The following PRDM11 variants were observed in gnomAD, a reference collection of about 807,000 sequenced individuals.
PRDM11 encodes PR domain-containing protein 11.
Under a neutral mutation model 97.8 loss-of-function variants are expected in PRDM11, and 20 were observed. The observed-to-expected ratio is 0.20, with a 90% CI of 0.14 to 0.30. The LOEUF is 0.30. PRDM11 is among the 10% of genes least tolerant of loss of function. The pLI is 1.00. For missense variants in PRDM11, 1,139 were observed against 1,555.2 expected (o/e 0.73, Z 4.50); for synonymous variants, 599 against 637.7 (o/e 0.94, Z 0.91).
intron 1 of PRDM11, among the ~76,000 whole-genome samples, chr11:45,153,745 A>G (rs565839818): frequency 2.5e-4 from 38 of 152,316 alleles, no homozygotes; most frequent in African/African-American, 8.7e-4. Flanking sequence ...GTCCTGCCCT[A>G]CATTCTGTGG....
At chr11:45,132,075 T>C (rs1852733808) in intron 1 of PRDM11, among the ~76,000 whole-genome samples, 1 of 152,204 alleles carries the variant, frequency 6.6e-6, no homozygotes, top group Non-Finnish European at 1.5e-5. Context: ...GTCATTCTTG[T>C]GCATCTCACT....
At chr11:45,210,621 G>C (rs1193822848) in intron 5 of PRDM11, among the ~76,000 whole-genome samples, 1 of 152,182 alleles carries the variant, frequency 6.6e-6, no homozygotes, top group South Asian at 2.1e-4. Flanking sequence ...TTCCCTTCCC[G>C]GGCCCCCTGC....
In PRDM11 at chr11:45,224,273, C is replaced by G. The variant is rs964496977; in HGVS notation, c.799C>G (p.Leu267Val). The G allele has an allele frequency of 6.8e-6, 11 of 1,613,430 alleles. No individual in the cohort carries two copies. The highest frequency in any genetic ancestry group is 1.3e-5 in the African/African-American group (1 of 74,874). The change falls in exon 7 of 8, where the codon CTG becomes GTG. Residue 267 changes from leucine (L) to valine (V), a missense_variant. By Grantham distance (32) the Leu-to-Val change is conservative. This residue lies in a region of PRDM11 where 429 missense variants were observed against 510.3 expected (regional missense o/e 0.84). Transcript: ENST00000683152. ...GCAGGTTCTGGATAACCCAGAAGAC[C>G]TGAGGGGTCCCATTCATCTCTCTGT... ...SEQVLDNPEDLRGPIHLSVLR... is the reference protein window; with the variant it reads ...SEQVLDNPEDVRGPIHLSVLR...
At chr11:45,221,690 G>A (rs999070187) in intron 6 of PRDM11, among the ~76,000 whole-genome samples, 5 of 152,270 alleles carry the variant, frequency 3.3e-5, no homozygotes, top group African/African-American at 2.4e-5. Context: ...GAGATACACC[G>A]AGACATATGA....
At chr11:45,213,844 C>T (rs1353436483) in intron 5 of PRDM11, 1 of 414,628 alleles carries the variant, frequency 2.4e-6, no homozygotes, top group African/African-American at 2.0e-5. Flanking sequence ...TTCCCAGCTC[C>T]CCTGTCAGAG....
chr11:45,194,772 G>A (rs1853054163), intron 4 of PRDM11, among the ~76,000 whole-genome samples: 1 of 150,350 alleles, frequency 6.7e-6, no homozygotes, highest in African/African-American at 2.4e-5. Flanking sequence ...CTAATTTTTT[G>A]TATTTTTAGT....
At chr11:45,195,791 G>A (rs1036778420) in intron 4 of PRDM11, among the ~76,000 whole-genome samples, 4 of 151,728 alleles carry the variant, frequency 2.6e-5, no homozygotes, top group African/African-American at 7.3e-5. Flanking sequence ...GGCCAGGCTC[G>A]TCTTGAACTC....
chr11:45,152,839 C>T (rs909174837), intron 1 of PRDM11, among the ~76,000 whole-genome samples: 10 of 152,194 alleles, frequency 6.6e-5, no homozygotes, highest in African/African-American at 1.7e-4. Context: ...GGATACTTGG[C>T]CTTGACTAGG....
intron 4 of PRDM11, among the ~76,000 whole-genome samples, chr11:45,186,644 G>C (rs1852716072): frequency 6.6e-6 from 1 of 152,174 alleles, no homozygotes. Context: ...GATTGCCATG[G>C]ATTAAGGTGT....
At chr11:45,181,355 C>T (rs533913903) in intron 1 of PRDM11, among the ~76,000 whole-genome samples, 1 of 152,306 alleles carries the variant, frequency 6.6e-6, no homozygotes, top group East Asian at 1.9e-4. Flanking sequence ...TTCGGTCTGC[C>T]CACTACCCCT....
At position 45,193,393 on chromosome 11, in the gene PRDM11, A is replaced by G. The variant is rs567102262; in HGVS notation, c.486+10270A>G. Among the ~76,000 whole-genome samples, 37 of 152,334 alleles carry G rather than the reference A, an allele frequency of 2.4e-4. No homozygotes were observed. In the South Asian group the frequency reaches 5.0e-3, roughly 20 times the overall value. On this transcript the variant is annotated intron_variant, in intron 4 of 7. Coordinates refer to ENST00000683152, the MANE Select transcript of PRDM11 (RefSeq NM_001384648.1). ...TATGGTCAACTGTTGGGGTAAAACA[A>G]GCTACCTAAAAACCCAGTGGCATAG... is the stretch of plus-strand genomic sequence containing the variant.
chr11:45,131,857 G>A (rs76041305), intron 1 of PRDM11, among the ~76,000 whole-genome samples: 3,114 of 152,188 alleles, frequency 0.02, 101 homozygotes, highest in African/African-American at 0.07. Flanking sequence ...GCAATTTCAG[G>A]GTTGGCTAAT....
At chr11:45,165,879 C>T (rs1852051892) in intron 1 of PRDM11, among the ~76,000 whole-genome samples, 1 of 152,164 alleles carries the variant, frequency 6.6e-6, no homozygotes, top group Admixed American at 6.5e-5. Context: ...GTGGAAGACC[C>T]CCTCCCATTG....
chr11:45,177,190 G>C (rs1852346823), intron 1 of PRDM11, among the ~76,000 whole-genome samples: 1 of 152,220 alleles, frequency 6.6e-6, no homozygotes, highest in Non-Finnish European at 1.5e-5. Context: ...CCTGCCAAGG[G>C]TGAAAACAGA....
chr11:45,100,142 G>A (rs888384465), intron 1 of PRDM11, among the ~76,000 whole-genome samples: 4 of 152,062 alleles, frequency 2.6e-5, no homozygotes, highest in African/African-American at 4.8e-5. Context: ...TAATAAAGTC[G>A]GGAACTCTAT....
Position 45,165,797 on chromosome 11 carries a change from G to A in PRDM11, c.-6-15964G>A, listed in dbSNP as rs143858143. On this transcript the variant is annotated intron_variant, in intron 1 of 7. Coordinates refer to ENST00000683152, the MANE Select transcript of PRDM11 (RefSeq NM_001384648.1). ...TTGCAGCCTGTGCTTCCTTTCTGCCGTTGCCTCTCTGCAGGCCTGTCTAGG... is the reference window on the plus strand; with the variant it reads ...TTGCAGCCTGTGCTTCCTTTCTGCCATTGCCTCTCTGCAGGCCTGTCTAGG... 3.2e-4 allele frequency among the ~76,000 whole-genome samples: 48 copies of A among 152,328 alleles called. No individual in the cohort carries two copies. The East Asian group carries it at 5.0e-3, about 16-fold the overall frequency.
intron 1 of PRDM11, among the ~76,000 whole-genome samples, chr11:45,153,049 G>A (rs189536372): frequency 3.9e-5 from 6 of 152,376 alleles, no homozygotes; most frequent in African/African-American, 4.8e-5. Flanking sequence ...AGGAGAGGAT[G>A]AAGGTGAGAG....
chr11:45,226,040 A>G lies in PRDM11; in HGVS notation c.1415A>G (p.Asp472Gly). Residue 472 changes from aspartate (D) to glycine (G), a missense_variant, in exon 8 of 8, where the codon GAC (aspartate) becomes GGC (glycine). By Grantham distance (94) the Asp-to-Gly change is moderately conservative (BLOSUM62 -1). Transcript: ENST00000683152. ...VSGPAIMEDD[D>G]QEVDSADESV... is the part of the protein sequence containing the mutation. ...GGCCCCGCCATCATGGAGGATGATG[A>G]CCAGGAAGTCGATTCAGCAGATGAA... The G allele has an allele frequency of 6.6e-7, 1 of 1,513,018 alleles. No individual in the cohort carries two copies. Among genetic ancestry groups the G allele is most frequent in the Non-Finnish European group, 8.9e-7 (1 of 1,129,438 alleles). 93.7% of individuals were successfully genotyped at this position (1,513,018 alleles called of 1,614,324 possible). A position where few individuals can be genotyped will look rare whatever the true frequency, so the allele number is the denominator to read the frequency against.
chr11:45,123,168 C>T (rs934487198), intron 1 of PRDM11, among the ~76,000 whole-genome samples: 3 of 152,006 alleles, frequency 2.0e-5, no homozygotes, highest in Non-Finnish European at 4.4e-5. Flanking sequence ...TTCATATCCT[C>T]CCCCCACTTT....
Sources: allele counts gnomAD v4.1 joint callset (sites outside exome capture counted in the v4.1 genomes callset), GRCh38; gene constraint gnomAD v4.1.1; regional missense constraint gnomAD v4.1.1; transcripts MANE v1.5; gene names NCBI Gene and HGNC (gene_info 2026-07-23, HGNC 2026-07-21).